AMOTL2: variants seen among roughly 807,000 people sequenced by gnomAD.
AMOTL2 encodes the protein angiomotin like 2.
In AMOTL2, 33 loss-of-function variants were observed where a neutral mutation model predicts 78.4. That is an observed-to-expected ratio of 0.42 (90% CI 0.32 to 0.56). The LOEUF is 0.56. Among genes scored for constraint, AMOTL2 ranks in the 20% least tolerant of loss-of-function variants. The pLI is 0.12. For missense variants in AMOTL2, 983 were observed against 1,030.1 expected (o/e 0.95, Z 0.63); for synonymous variants, 422 against 428.8 (o/e 0.98, Z 0.20).
At position 134,355,355 on chromosome 3, in the gene AMOTL2, GCTTT is replaced by G. The variant is rs1239363690; in HGVS notation, c.*2346_*2349del. 1.3e-5 allele frequency among the ~76,000 whole-genome samples: 2 copies of G among 152,212 alleles called. No individual in the cohort carries two copies. The highest frequency in any genetic ancestry group is 1.9e-4 in the East Asian group (1 of 5,198). On this transcript the variant is annotated 3_prime_UTR_variant, in exon 10 of 10. Coordinates refer to ENST00000249883, the MANE Select transcript of AMOTL2 (RefSeq NM_016201.4). The stretch of plus-strand genomic sequence containing the variant: ...ACAAGAACAAGCAAGACTGAGAATG[GCTTT>G]CTTTAATTTTGAATTGGAGCAATAT...
intron 2 of AMOTL2, among the ~76,000 whole-genome samples, chr3:134,370,119 TC>T (rs1308100619): frequency 6.6e-6 from 1 of 152,122 alleles, no homozygotes. Context: ...GGACCCAGAA[TC>T]CTTTCCCACT....
At position 134,370,883 on chromosome 3, in the gene AMOTL2, A is replaced by G. The variant is rs1248492294; in HGVS notation, c.551T>C (p.Phe184Ser). Residue 184 changes from phenylalanine (F) to serine (S), a missense_variant, in exon 2 of 10, where the codon TTC becomes TCC. Phe to Ser is a radical substitution (Grantham distance 155). Transcript: ENST00000249883. ...APSHMSSSHS[F>S]PQLARNQQGP... ...CTGCTGGTTGCGGGCCAGCTGTGGG[A>G]AGCTGTGGGAGGAGCTCATGTGGCT... 1 of 1,611,050 alleles carries G rather than the reference A, an allele frequency of 6.2e-7. No individual in the cohort carries two copies. Among genetic ancestry groups the G allele is most frequent in the Non-Finnish European group, 8.5e-7 (1 of 1,178,330 alleles).
intron 5 of AMOTL2, among the ~76,000 whole-genome samples, chr3:134,364,303 G>GCCAAGAACAGCT (rs1457993571): frequency 6.6e-6 from 1 of 152,058 alleles, no homozygotes; most frequent in East Asian, 1.9e-4. Context: ...CCAGCGAGGA[G>GCCAAGAACAGCT]CCAAGAACAG....
rs1199011698 is a variant in AMOTL2, at chr3:134,358,706, G to A, written c.2118C>T (p.Pro706=). ...PARLTTADRA[P]TEEPVVTAPP... is the part of the protein sequence containing the mutation. ...GAGCTGTGACCACTGGCTCCTCTGT[G>A]GGTGCTCTGTCTGCTGGAAAGGTAG... Residue 706 remains proline, a synonymous_variant, in exon 9 of 10, where the codon CCC becomes CCT. Coordinates refer to ENST00000249883, the MANE Select transcript of AMOTL2 (RefSeq NM_016201.4). 1 of 1,614,114 alleles carries A rather than the reference G, an allele frequency of 6.2e-7. No homozygotes were observed. The highest frequency in any genetic ancestry group is 1.3e-5 in the African/African-American group (1 of 75,034).
chr3:134,357,431 T>C lies in AMOTL2; in HGVS notation c.*274A>G. The C allele has an allele frequency of 2.3e-6, 1 of 441,748 alleles. No homozygotes were observed. Among genetic ancestry groups the C allele is most frequent in the Non-Finnish European group, 4.2e-6 (1 of 240,768 alleles). The allele number at this position is 441,748 out of a possible 1,614,324, so 27.4% of individuals were successfully genotyped here. Reference sequence around the variant, plus strand: ...CAGTTGCTACCCCAGTAGCAGGCCTTGGGCAAGAAGTCAAGGCTGAATCCT... The same window carrying C: ...CAGTTGCTACCCCAGTAGCAGGCCTCGGGCAAGAAGTCAAGGCTGAATCCT... On this transcript the variant is annotated 3_prime_UTR_variant, in exon 10 of 10. Transcript: ENST00000249883.
chr3:134,364,426 A>T (rs183569397), intron 5 of AMOTL2, among the ~76,000 whole-genome samples: 2 of 151,992 alleles, frequency 1.3e-5, no homozygotes, highest in African/African-American at 4.8e-5. Context: ...TCTTTGGCAG[A>T]GTCAGGCTCC....
intron 2 of AMOTL2, among the ~76,000 whole-genome samples, chr3:134,369,860 G>A (rs970049799): frequency 1.3e-5 from 2 of 152,322 alleles, no homozygotes; most frequent in East Asian, 1.9e-4. Context: ...GATGAGAAGC[G>A]TGAGGCAGGG....
chr3:134,367,593 C>G lies in AMOTL2; in HGVS notation c.945G>C (p.Glu315Asp), dbSNP rs1409098824. 1.2e-6 allele frequency: 2 copies of G among 1,613,450 alleles called. No homozygotes were observed. The highest frequency in any genetic ancestry group is 2.7e-5 in the African/African-American group (2 of 74,938). ...GCCTGGCATTCTCCCTCAGCACGGCCTCCATCTGGGCCAGGTGGGCACTGC... is the reference window on the plus strand; with the variant it reads ...GCCTGGCATTCTCCCTCAGCACGGCGTCCATCTGGGCCAGGTGGGCACTGC... ...TSGSAHLAQM[E>D]AVLRENARLQ... Residue 315 changes from glutamate to aspartate, a missense_variant, in exon 3 of 10, where the codon GAG becomes GAC. Glu to Asp is a conservative substitution (Grantham distance 45). Transcript: ENST00000249883.
chr3:134,367,912 A>C (rs1323912720), intron 2 of AMOTL2, 109 bp from the exon 3 acceptor site: 1 of 790,960 alleles, frequency 1.3e-6, no homozygotes, highest in Admixed American at 3.2e-5. Flanking sequence ...ATGGTTAATT[A>C]TTATCAATAA....
intron 1 of AMOTL2, 105 bp downstream of exon 1, chr3:134,374,237 C>T: frequency 1.0e-6 from 1 of 985,464 alleles, no homozygotes; most frequent in African/African-American, 1.7e-5. Flanking sequence ...ATCCTCGAGG[C>T]TCCGACTCCC....
chr3:134,367,396 A>C, intron 3 of AMOTL2, 101 bp downstream of exon 3: 9 of 1,384,534 alleles, frequency 6.5e-6, no homozygotes, highest in South Asian at 1.3e-5. Flanking sequence ...CCAGCCAAAC[A>C]GTTTTCAGGC....
chr3:134,365,742 T>C (rs1294738668), intron 5 of AMOTL2, 75 bp downstream of exon 5: 4 of 1,379,030 alleles, frequency 2.9e-6, no homozygotes, highest in Non-Finnish European at 4.0e-6. Flanking sequence ...AAGGCCAATC[T>C]TCCTAGTCCA....
At position 134,356,338 on chromosome 3, in the gene AMOTL2, A is replaced by T. The variant is rs141200519; in HGVS notation, c.*1367T>A. 21 of 152,684 alleles carry T rather than the reference A, an allele frequency of 1.4e-4. No individual in the cohort carries two copies. The highest frequency in any genetic ancestry group is 5.0e-4 in the African/African-American group (21 of 41,586). The allele number at this position is 152,684 out of a possible 1,614,324, so 9.5% of individuals were successfully genotyped here. A position where few individuals can be genotyped will look rare whatever the true frequency, so the allele number is the denominator to read the frequency against. On this transcript the variant is annotated 3_prime_UTR_variant, in exon 10 of 10. Transcript: ENST00000249883. ...AGGAAGAAAACAAAGAATCAAGGAGAACTAAAAACGGTAAAGACAAAACTG... is the reference window on the plus strand; with the variant it reads ...AGGAAGAAAACAAAGAATCAAGGAGTACTAAAAACGGTAAAGACAAAACTG...
At chr3:134,374,665 C>G (rs1485154502), upstream of AMOTL2, 3 of 982,900 alleles carry the variant, frequency 3.1e-6, no homozygotes, top group Non-Finnish European at 3.6e-6. Flanking sequence ...GAGCGCCGGC[C>G]CGGCCCCCGA....
chr3:134,367,483 C>T lies in AMOTL2; in HGVS notation c.1041+14G>A, dbSNP rs1395941087. The T allele has an allele frequency of 1.2e-6, 2 of 1,609,620 alleles. No individual in the cohort carries two copies. The highest frequency in any genetic ancestry group is 2.7e-5 in the African/African-American group (2 of 74,864). On this transcript the variant is annotated intron_variant, in intron 3 of 9. Coordinates refer to ENST00000249883, the MANE Select transcript of AMOTL2 (RefSeq NM_016201.4). The stretch of plus-strand genomic sequence containing the variant: ...CTTTCTGGTCTGCCCTTCTGAAGCC[C>T]CAGCAGGGCCTACCTTCTCAATGCG...
At chr3:134,358,076 C>T (rs1163577888) in intron 9 of AMOTL2, among the ~76,000 whole-genome samples, 1 of 152,174 alleles carries the variant, frequency 6.6e-6, no homozygotes, top group African/African-American at 2.4e-5. Context: ...TTTCTGAGAT[C>T]ATGAGGCACA....
At chr3:134,359,984 C>A (rs2017279661) in intron 7 of AMOTL2, 122 bp downstream of exon 7, 1 of 1,085,794 alleles carries the variant, frequency 9.2e-7, no homozygotes, top group Non-Finnish European at 1.3e-6. Context: ...AGCTCAGAAG[C>A]AGGAGGGACT....
Position 134,357,417 on chromosome 3 carries a change from C to T in AMOTL2, c.*288G>A. 2.4e-6 allele frequency: 1 copy of T among 410,796 alleles called. No homozygotes were observed. Among genetic ancestry groups the T allele is most frequent in the Non-Finnish European group, 4.5e-6 (1 of 222,244 alleles). The allele number at this position is 410,796 out of a possible 1,614,324, so 25.4% of individuals were successfully genotyped here. A position where few individuals can be genotyped will look rare whatever the true frequency, so the allele number is the denominator to read the frequency against. On this transcript the variant is annotated 3_prime_UTR_variant, in exon 10 of 10. Coordinates refer to ENST00000249883, the MANE Select transcript of AMOTL2 (RefSeq NM_016201.4). ...CCTTTCTGAGCTGTCAGTTGCTACCCCAGTAGCAGGCCTTGGGCAAGAAGT... is the reference window on the plus strand; with the variant it reads ...CCTTTCTGAGCTGTCAGTTGCTACCTCAGTAGCAGGCCTTGGGCAAGAAGT...
intron 5 of AMOTL2, among the ~76,000 whole-genome samples, chr3:134,363,650 A>T (rs1274106714): frequency 6.6e-6 from 1 of 152,228 alleles, no homozygotes; most frequent in African/African-American, 2.4e-5. Flanking sequence ...CCAGAAGGGC[A>T]GTGCTGGGGG....
Sources: allele counts gnomAD v4.1 joint callset (sites outside exome capture counted in the v4.1 genomes callset), GRCh38; gene constraint gnomAD v4.1.1; transcripts MANE v1.5; gene names NCBI Gene and HGNC (gene_info 2026-07-23, HGNC 2026-07-21).